Variants in LYST observed in about 807,000 individuals in gnomAD.
LYST encodes the protein lysosomal trafficking regulator.
LYST carries 192 observed loss-of-function variants against 413.6 expected under a neutral mutation model. The ratio of observed to expected loss-of-function variants is 0.46; its 90% CI spans 0.41 to 0.52. The LOEUF (loss-of-function observed/expected upper bound fraction) is 0.52. LYST is among the 20% of genes least tolerant of loss of function. LYST has a pLI of 0.00. For missense variants in LYST, 3,815 were observed against 4,499.9 expected (o/e 0.85, Z 4.35); for synonymous variants, 1,525 against 1,567.3 (o/e 0.97, Z 0.64).
intron 1 of LYST, among the ~76,000 whole-genome samples, chr1:235,862,806 AAC>A (rs57043954): frequency 0.25 from 30,257 of 121,250 alleles, 3,315 homozygotes; most frequent in East Asian, 0.54. Flanking sequence ...AAAACAAACA[AAC>A]ACACACACAC....
In LYST at chr1:235,720,750, G is replaced by A; in HGVS notation, c.9471C>T (p.Phe3157=). The change falls in exon 40 of 53, where the codon TTC becomes TTT. Residue 3157 remains phenylalanine (F), a synonymous_variant. Coordinates refer to ENST00000389793, the MANE Select transcript of LYST (RefSeq NM_000081.4). The stretch of plus-strand genomic sequence containing the variant: ...ACACAGGATACTGCATGAGATCATT[G>A]AAGGATCGGCCAGCATGTTTGTTTA... ...THLNKHAGRS[F]NDLMQYPVFP... is the part of the protein sequence containing the mutation. 6.2e-7 allele frequency: 1 copy of A among 1,614,036 alleles called. No homozygotes were observed. Among genetic ancestry groups the A allele is most frequent in the Non-Finnish European group, 8.5e-7 (1 of 1,179,928 alleles).
At position 235,770,248 on chromosome 1, in the gene LYST, G is replaced by A; in HGVS notation, c.5834C>T (p.Ala1945Val). 1 of 1,613,638 alleles carries A rather than the reference G, an allele frequency of 6.2e-7. No homozygotes were observed. The highest frequency in any genetic ancestry group is 8.5e-7 in the Non-Finnish European group (1 of 1,179,676). Reference protein sequence around the residue: ...LLAALEVLIRADHHQQMFNIK... With the variant: ...LLAALEVLIRVDHHQQMFNIK... ...ATTAAACATCTGCTGGTGGTGATCT[G>A]CTCTGATGAGGACTTCTAGAGCTGC... The change falls in exon 20 of 53, where the codon GCA becomes GTA. Residue 1945 changes from alanine (A) to valine (V), a missense_variant. This residue lies in a region of LYST where 530 missense variants were observed against 696.5 expected (regional missense o/e 0.76). Transcript: ENST00000389793.
In LYST at chr1:235,791,752, A is replaced by G. The variant is rs1352883093; in HGVS notation, c.4490T>C (p.Ile1497Thr). The change falls in exon 12 of 53, where the codon ATA becomes ACA. Residue 1497 changes from isoleucine (I) to threonine (T), a missense_variant. This residue lies in a region of LYST where 1,648 missense variants were observed against 1,810.3 expected (regional missense o/e 0.91). Transcript: ENST00000389793. ...AESTTEKGKK[I>T]KKRNKSLILP... Reference sequence around the variant, plus strand: ...AATTAATGATTTGTTTCTTTTCTTTATCTTCTTTCCTTTTTCTGTAGTACT... The same window carrying G: ...AATTAATGATTTGTTTCTTTTCTTTGTCTTCTTTCCTTTTTCTGTAGTACT... 2 of 1,613,486 alleles carry G rather than the reference A, an allele frequency of 1.2e-6. No homozygotes were observed. Among genetic ancestry groups the G allele is most frequent in the Admixed American group, 3.3e-5 (2 of 60,026 alleles).
chr1:235,800,037 G>C (rs1672035904), intron 10 of LYST, among the ~76,000 whole-genome samples: 1 of 129,520 alleles, frequency 7.7e-6, no homozygotes, highest in Admixed American at 9.5e-5. Flanking sequence ...GCTCACTGCA[G>C]CCTTGGCCTC....
At chr1:235,788,177 TGAGACA>T (rs1345111129) in intron 13 of LYST, among the ~76,000 whole-genome samples, 2 of 152,230 alleles carry the variant, frequency 1.3e-5, no homozygotes, top group East Asian at 3.9e-4. Context: ...ATTTATTTTT[TGAGACA>T]GAGTCTCACT....
At chr1:235,849,574 A>G (rs139850253) in intron 1 of LYST, among the ~76,000 whole-genome samples, 234 of 152,214 alleles carry the variant, frequency 1.5e-3, no homozygotes, top group Non-Finnish European at 1.9e-3. Flanking sequence ...AGGAAGTCAA[A>G]CTTTCACTGT....
chr1:235,677,326 A>G (rs756314656), intron 49 of LYST, 138 bp from the exon 50 acceptor site: 5 of 1,066,456 alleles, frequency 4.7e-6, no homozygotes, highest in Non-Finnish European at 7.1e-6. Flanking sequence ...TATGACTTCA[A>G]TAAAATATAA....
At chr1:235,837,201 G>T (rs913117238) in intron 1 of LYST, among the ~76,000 whole-genome samples, 34 of 152,150 alleles carry the variant, frequency 2.2e-4, no homozygotes, top group African/African-American at 7.7e-4. Flanking sequence ...CAATGGAGAG[G>T]GTAAGTATCC....
chr1:235,737,927 C>CGG, intron 31 of LYST: 1 of 1,165,410 alleles, frequency 8.6e-7, no homozygotes, highest in Non-Finnish European at 1.1e-6. Flanking sequence ...GTCTGGATCT[C>CGG]ACTGCCGCGT....
In LYST at chr1:235,808,676, G is replaced by A; in HGVS notation, c.2142C>T (p.His714=). ...DRLHSIQIAN[H]ICNLIQKGNI... is the part of the protein sequence containing the mutation. ...TGCCTTTCTGGATTAAATTGCAAATGTGATTTGCAATCTGTATACTATGTA... is the reference window on the plus strand; with the variant it reads ...TGCCTTTCTGGATTAAATTGCAAATATGATTTGCAATCTGTATACTATGTA... Residue 714 remains histidine (H), a synonymous_variant, in exon 5 of 53, where the codon CAC becomes CAT. Coordinates refer to ENST00000389793, the MANE Select transcript of LYST (RefSeq NM_000081.4). 1 of 1,611,338 alleles carries A rather than the reference G, an allele frequency of 6.2e-7. No homozygotes were observed. The highest frequency in any genetic ancestry group is 8.5e-7 in the Non-Finnish European group (1 of 1,177,578).
At chr1:235,773,030 A>G (rs1390826008) in intron 19 of LYST, among the ~76,000 whole-genome samples, 2 of 152,230 alleles carry the variant, frequency 1.3e-5, no homozygotes, top group East Asian at 3.8e-4. Flanking sequence ...TTAAAAGAAT[A>G]TGCTGGCTGG....
rs770255593 is a variant in LYST, at chr1:235,753,105, C to G, written c.7399G>C (p.Asp2467His). The G allele has an allele frequency of 6.2e-7, 1 of 1,608,802 alleles. No homozygotes were observed. The highest frequency in any genetic ancestry group is 8.5e-7 in the Non-Finnish European group (1 of 1,175,574). ...CATAACACATAGAGTAGACCATTAT[C>G]CAGCAACATATCTGCTACCTTAGAA... is the stretch of plus-strand genomic sequence containing the variant. ...SCSKVADMLL[D>H]NGLLYVLCNT... The change falls in exon 26 of 53, where the codon GAT (aspartate) becomes CAT (histidine). Residue 2467 changes from aspartate (D) to histidine (H), a missense_variant. This residue lies in a region of LYST where 771 missense variants were observed against 837.1 expected (regional missense o/e 0.92). Coordinates refer to ENST00000389793, the MANE Select transcript of LYST (RefSeq NM_000081.4).
intron 1 of LYST, among the ~76,000 whole-genome samples, chr1:235,846,384 C>T (rs944476711): frequency 6.6e-6 from 1 of 152,070 alleles, no homozygotes; most frequent in Admixed American, 6.5e-5. Context: ...AGTCTTCAGC[C>T]CTAGACCTTC....
chr1:235,791,112 C>A (rs1670928827), intron 12 of LYST, among the ~76,000 whole-genome samples: 1 of 152,046 alleles, frequency 6.6e-6, no homozygotes, highest in Non-Finnish European at 1.5e-5. Context: ...GGTGAAACAC[C>A]ATCGCTACTA....
rs968901497 is a variant in LYST at position 235,721,014 on chromosome 1, C to A, written c.9316-109G>T. 5.3e-6 allele frequency: 6 copies of A among 1,131,074 alleles called. No homozygotes were observed. In the African/African-American group the frequency reaches 6.2e-5, roughly 12 times the overall value. The allele number at this position is 1,131,074 out of a possible 1,614,324, so 70.1% of individuals were successfully genotyped here. ...GACATGTTACAAATCTCATGTCCTC[C>A]AAAAAAAGATTTTTTTCTCAGTAAC... is the stretch of plus-strand genomic sequence containing the variant. On this transcript the variant is annotated intron_variant, in intron 39 of 52. Transcript: ENST00000389793.
At chr1:235,866,736 C>T (rs1680578291) in intron 1 of LYST, 107 bp downstream of exon 1, 1 of 152,300 alleles carries the variant, frequency 6.6e-6, no homozygotes, top group African/African-American at 2.4e-5. Flanking sequence ...GCCCTCAACC[C>T]AGGCTGACAG....
intron 6 of LYST, 146 bp downstream of exon 6, chr1:235,805,597 G>A (rs1012475633): frequency 3.3e-5 from 9 of 268,892 alleles, no homozygotes; most frequent in Admixed American, 3.2e-4. Flanking sequence ...ATATATAAAA[G>A]TAATATATTA....
intron 1 of LYST, among the ~76,000 whole-genome samples, chr1:235,834,437 T>G (rs543465414): frequency 6.6e-6 from 1 of 152,312 alleles, no homozygotes; most frequent in East Asian, 1.9e-4. Flanking sequence ...GGGGTCTTGC[T>G]GTGTTGCCCA....
In LYST at chr1:235,810,090, G is replaced by A. The variant is rs1652014224; in HGVS notation, c.728C>T (p.Ala243Val). Reference sequence around the variant, plus strand: ...GTTCATGTTACTGATAACAGACAAGGCAGCTGGCTCACTTAAAATGTCAGT... The same window carrying A: ...GTTCATGTTACTGATAACAGACAAGACAGCTGGCTCACTTAAAATGTCAGT... ...SNTDILSEPA[A>V]LSVISNMNNS... Residue 243 changes from alanine (A) to valine (V), a missense_variant, in exon 5 of 53, where the codon GCC becomes GTC. Transcript: ENST00000389793. 14 of 1,613,878 alleles carry A rather than the reference G, an allele frequency of 8.7e-6. No homozygotes were observed. The highest frequency in any genetic ancestry group is 1.1e-5 in the Non-Finnish European group (13 of 1,179,894).
Sources: gnomAD v4.1 joint callset for allele counts (sites outside exome capture counted in the v4.1 genomes callset) on GRCh38, gnomAD v4.1.1 for gene constraint, gnomAD v4.1.1 regional missense constraint, MANE v1.5 for transcripts, NCBI Gene and HGNC (gene_info 2026-07-23, HGNC 2026-07-21) for gene names.